CDKAL1: variants seen among roughly 807,000 people sequenced by gnomAD.
CDKAL1 encodes CDKAL1 threonylcarbamoyladenosine tRNA methylthiotransferase.
A neutral mutation model predicts 68.2 loss-of-function variants in CDKAL1; 32 were observed. The observed-to-expected ratio is 0.47, with a 90% CI of 0.35 to 0.63. CDKAL1 has a LOEUF of 0.63. Ranked by LOEUF, CDKAL1 falls within the 30% of genes least tolerant of loss-of-function variation. CDKAL1 has a pLI of 0.00. For missense variants in CDKAL1, 606 were observed against 696.7 expected, an observed-to-expected ratio of 0.87 and a Z score of 1.47; for synonymous variants, 234 against 244.3, an observed-to-expected ratio of 0.96 and a Z score of 0.39.
chr6:20,567,852 T>G (rs1764521690), intron 4 of CDKAL1, among the ~76,000 whole-genome samples: 1 of 151,566 alleles, frequency 6.6e-6, no homozygotes, highest in African/African-American at 2.4e-5. Flanking sequence ...TAGCTGGGAC[T>G]ACAGGTGTGC....
At chr6:20,535,473 A>G (rs1763131715) in intron 2 of CDKAL1, 79 bp downstream of exon 2, 1 of 152,310 alleles carries the variant, frequency 6.6e-6, no homozygotes, top group Non-Finnish European at 1.5e-5. Context: ...GAGGTAGCCT[A>G]ATGTTTTAGC....
intron 11 of CDKAL1, among the ~76,000 whole-genome samples, chr6:21,016,842 G>A (rs763459793): frequency 1.1e-4 from 17 of 152,126 alleles, no homozygotes; most frequent in Non-Finnish European, 2.1e-4. Flanking sequence ...GCCTCTTTAA[G>A]TAAGTATAGG....
chr6:20,915,247 G>T (rs997537759), intron 9 of CDKAL1, among the ~76,000 whole-genome samples: 1 of 151,800 alleles, frequency 6.6e-6, no homozygotes, highest in African/African-American at 2.4e-5. Flanking sequence ...CTTAGGAGAT[G>T]TATCAGTCAG....
intron 12 of CDKAL1, among the ~76,000 whole-genome samples, chr6:21,078,713 G>A (rs1482986750): frequency 1.3e-5 from 2 of 152,088 alleles, no homozygotes; most frequent in Non-Finnish European, 2.9e-5. Context: ...CACACAGCGG[G>A]GTGCAGGGTG....
chr6:21,001,018 C>G (rs1023872810), intron 11 of CDKAL1, among the ~76,000 whole-genome samples: 1 of 152,242 alleles, frequency 6.6e-6, no homozygotes, highest in Non-Finnish European at 1.5e-5. Context: ...TGCTCCTCAT[C>G]ATCACCAAAC....
intron 4 of CDKAL1, among the ~76,000 whole-genome samples, chr6:20,592,884 G>T (rs1366771649): frequency 6.6e-6 from 1 of 152,122 alleles, no homozygotes; most frequent in African/African-American, 2.4e-5. Context: ...ATGAAGGGGT[G>T]TTGAATTTTA....
chr6:21,117,057 ATTCTCT>A (rs1477841068), intron 13 of CDKAL1, among the ~76,000 whole-genome samples: 2 of 151,986 alleles, frequency 1.3e-5, no homozygotes, highest in African/African-American at 4.8e-5. Flanking sequence ...ATGTATCCCC[ATTCTCT>A]TTCTCTCTTG....
intron 13 of CDKAL1, among the ~76,000 whole-genome samples, chr6:21,148,877 A>T (rs535148512): frequency 2.0e-5 from 3 of 152,230 alleles, no homozygotes; most frequent in African/African-American, 4.8e-5. Context: ...ATTACCATTC[A>T]TGACTAAAAA....
At chr6:20,863,022 G>A (rs977087754) in intron 9 of CDKAL1, among the ~76,000 whole-genome samples, 16 of 152,102 alleles carry the variant, frequency 1.1e-4, no homozygotes, top group African/African-American at 2.4e-4. Flanking sequence ...GCAAAACTCC[G>A]TTTCAATAAA....
At chr6:20,981,109 G>C (rs374654903) in intron 10 of CDKAL1, among the ~76,000 whole-genome samples, 1 of 152,178 alleles carries the variant, frequency 6.6e-6, no homozygotes, top group African/African-American at 2.4e-5. Context: ...AACTGAGCAG[G>C]AGGAGGCTGT....
At chr6:21,149,420 A>G (rs1776309605) in intron 13 of CDKAL1, among the ~76,000 whole-genome samples, 1 of 152,210 alleles carries the variant, frequency 6.6e-6, no homozygotes, top group Admixed American at 6.5e-5. Context: ...TGCTGGGATT[A>G]CAGGCATGAA....
intron 11 of CDKAL1, among the ~76,000 whole-genome samples, chr6:21,009,657 A>G (rs9465946): frequency 0.21 from 32,232 of 152,164 alleles, 3,859 homozygotes; most frequent in South Asian, 0.31. Flanking sequence ...CCAGAATACT[A>G]TTCAACCATA....
At chr6:20,726,361 A>G (rs1265514739) in intron 5 of CDKAL1, among the ~76,000 whole-genome samples, 1 of 152,170 alleles carries the variant, frequency 6.6e-6, no homozygotes, top group East Asian at 1.9e-4. Flanking sequence ...CCTCACATGT[A>G]CTGACTGATG....
At position 21,030,694 on chromosome 6, in the gene CDKAL1, G is replaced by A. The variant is rs536145298; in HGVS notation, c.1055+30322G>A. The stretch of plus-strand genomic sequence containing the variant: ...TTTCGATGCTTTCTTGGACTCACCT[G>A]CTTCTATGTCATGATGAATTTTATT... On this transcript the variant is annotated intron_variant, in intron 11 of 15. Transcript: ENST00000274695. 3.5e-4 allele frequency among the ~76,000 whole-genome samples: 53 copies of A among 152,264 alleles called. 2 individuals carry two copies. The South Asian group carries it at 0.01, about 30-fold the overall frequency.
chr6:21,141,872 A>G (rs1486428287), intron 13 of CDKAL1, among the ~76,000 whole-genome samples: 1 of 152,206 alleles, frequency 6.6e-6, no homozygotes, highest in Non-Finnish European at 1.5e-5. Flanking sequence ...TGAGGTAACT[A>G]CAGAAGTTGG....
chr6:20,569,995 C>A (rs1392247383), intron 4 of CDKAL1, among the ~76,000 whole-genome samples: 1 of 151,448 alleles, frequency 6.6e-6, no homozygotes, highest in East Asian at 1.9e-4. Flanking sequence ...CCTGGTGAGA[C>A]CTCAGAAAAT....
chr6:20,611,243 C>T (rs565060299), intron 4 of CDKAL1, among the ~76,000 whole-genome samples: 3 of 152,246 alleles, frequency 2.0e-5, no homozygotes, highest in East Asian at 1.9e-4. Flanking sequence ...TCTGAGGTTT[C>T]GTGTCTTAGC....
intron 4 of CDKAL1, among the ~76,000 whole-genome samples, chr6:20,582,510 A>T (rs934696462): frequency 6.6e-6 from 1 of 152,170 alleles, no homozygotes; most frequent in African/African-American, 2.4e-5. Context: ...TCTTTGACAT[A>T]TGAGGGTTTT....
chr6:20,989,851 AAT>A (rs555926640), intron 10 of CDKAL1, among the ~76,000 whole-genome samples: 1 of 151,844 alleles, frequency 6.6e-6, no homozygotes, highest in Admixed American at 6.6e-5. Context: ...TGAATTTTAA[AAT>A]ATATATATAT....
Sources: gnomAD v4.1 joint callset for allele counts (sites outside exome capture counted in the v4.1 genomes callset) on GRCh38, gnomAD v4.1.1 for gene constraint, MANE v1.5 for transcripts, NCBI Gene and HGNC (gene_info 2026-07-23, HGNC 2026-07-21) for gene names.